MS4A4E: variants seen among roughly 807,000 people sequenced by gnomAD.
The protein encoded by MS4A4E is membrane spanning 4-domains A4E, also known as putative membrane-spanning 4-domains subfamily A member 4E.
In MS4A4E, 23 loss-of-function variants were observed where a neutral mutation model predicts 13.3. That is an observed-to-expected ratio of 1.73 (90% confidence interval 1.25 to 2.45). The LOEUF is 2.45. Ranked by LOEUF, MS4A4E falls within the 30% of genes most tolerant of loss-of-function variation. The pLI is 0.00. For missense variants in MS4A4E, 144 were observed against 131.2 expected (o/e 1.10, Z -0.48); for synonymous variants, 36 against 45.6 (o/e 0.79, Z 0.85).
At chr11:60,230,981 A>C (rs1357633239) in intron 1 of MS4A4E, among the ~76,000 whole-genome samples, 3 of 152,192 alleles carry the variant, frequency 2.0e-5, no homozygotes, top group African/African-American at 7.2e-5. Flanking sequence ...TTGGTAACAT[A>C]AATGAAAAAA....
intron 6 of MS4A4E, among the ~76,000 whole-genome samples, chr11:60,207,980 T>G (rs1043850995): frequency 2.0e-5 from 3 of 152,200 alleles, no homozygotes; most frequent in African/African-American, 7.2e-5. Context: ...CAAGTACTTT[T>G]GGGGACCTCT....
At chr11:60,234,823 AT>A (rs2084461741) in intron 1 of MS4A4E, among the ~76,000 whole-genome samples, 1 of 146,276 alleles carries the variant, frequency 6.8e-6, no homozygotes, top group Non-Finnish European at 1.5e-5. Flanking sequence ...CTACTTACCT[AT>A]TAATAATAAC....
intron 1 of MS4A4E, among the ~76,000 whole-genome samples, chr11:60,236,425 T>C (rs569012073): frequency 6.6e-6 from 1 of 152,274 alleles, no homozygotes; most frequent in South Asian, 2.1e-4. Flanking sequence ...AGCCTTCCAG[T>C]TCCTGAATAT....
At chr11:60,240,914 T>A (rs2084540409) in intron 1 of MS4A4E, among the ~76,000 whole-genome samples, 1 of 152,246 alleles carries the variant, frequency 6.6e-6, no homozygotes, top group South Asian at 2.1e-4. Context: ...AAATCTATGT[T>A]ATTTTCCTTT....
chr11:60,215,347 A>G (rs2084179333), intron 3 of MS4A4E, among the ~76,000 whole-genome samples: 1 of 151,908 alleles, frequency 6.6e-6, no homozygotes, highest in African/African-American at 2.4e-5. Context: ...TCCATCATGT[A>G]ACATAAAATA....
In MS4A4E at chr11:60,201,573, C is replaced by A; in HGVS notation, c.966G>T (p.Arg322Ser). 3.1e-6 allele frequency: 1 copy of A among 322,740 alleles called. No individual in the cohort carries two copies. The highest frequency in any genetic ancestry group is 6.2e-6 in the Non-Finnish European group (1 of 160,834). 20.0% of individuals were successfully genotyped at this position (322,740 alleles called of 1,614,324 possible). A position where few individuals can be genotyped will look rare whatever the true frequency, so the allele number is the denominator to read the frequency against. ...AGATGGGCGGCCGGGCGGAGACACT[C>A]CTCACCTCCCAGATGGGATGGTGGC... Reference protein sequence around the residue: ...LPGHHPIWEVRSVSARPPIF With the variant: ...LPGHHPIWEVSSVSARPPIF The change falls in exon 9 of 9, where the codon AGG (arginine) becomes AGT (serine). Residue 322 changes from arginine to serine, a missense_variant. This residue lies in a region of MS4A4E where 21 missense variants were observed against 25.1 expected (regional missense o/e 0.84). Coordinates refer to ENST00000651255, the MANE Select transcript of MS4A4E (RefSeq NM_001393391.1).
intron 3 of MS4A4E, among the ~76,000 whole-genome samples, chr11:60,219,784 G>A (rs750450350): frequency 1.2e-4 from 19 of 152,192 alleles, no homozygotes; most frequent in Non-Finnish European, 2.6e-4. Flanking sequence ...GGGAACTACT[G>A]GACACTGACT....
intron 1 of MS4A4E, among the ~76,000 whole-genome samples, chr11:60,232,619 T>A (rs908725328): frequency 2.0e-5 from 3 of 151,924 alleles, no homozygotes; most frequent in Non-Finnish European, 2.9e-5. Context: ...GGCTCTGAGC[T>A]CAGCTGACAG....
chr11:60,233,470 T>TTAC (rs2084439052), intron 1 of MS4A4E, among the ~76,000 whole-genome samples: 1 of 152,208 alleles, frequency 6.6e-6, no homozygotes, highest in Admixed American at 6.5e-5. Context: ...AGCCTTAGCT[T>TTAC]TGTGGGTAAC....
Position 60,200,538 on chromosome 11 carries a change from T to G in MS4A4E, c.*1005A>C, listed in dbSNP as rs545861041. Among the ~76,000 whole-genome samples, 2,724 of 152,222 alleles carry G rather than the reference T, an allele frequency of 0.018. 81 individuals carry two copies. The highest frequency in any genetic ancestry group is 0.062 in the African/African-American group (2,590 of 41,530). ...AAGCATCTGTTTAACAAAGCACACCTTGCACCGCCCTTAATCCATTTAACC... is the reference window on the plus strand; with the variant it reads ...AAGCATCTGTTTAACAAAGCACACCGTGCACCGCCCTTAATCCATTTAACC... On this transcript the variant is annotated 3_prime_UTR_variant, in exon 9 of 9. Coordinates refer to ENST00000651255, the MANE Select transcript of MS4A4E (RefSeq NM_001393391.1).
intron 4 of MS4A4E, among the ~76,000 whole-genome samples, chr11:60,213,695 T>C (rs1263938041): frequency 6.6e-6 from 1 of 152,192 alleles, no homozygotes; most frequent in Non-Finnish European, 1.5e-5. Context: ...CTCCAGAGTT[T>C]GATATTTATC....
intron 6 of MS4A4E, among the ~76,000 whole-genome samples, chr11:60,206,512 T>TATGTATATATATAC (rs141037502): frequency 1.0e-5 from 1 of 98,344 alleles, no homozygotes; most frequent in African/African-American, 4.8e-5. Flanking sequence ...TATATATATA[T>TATGTATATATATAC]ACACACACAC....
chr11:60,221,812 A>T (rs1378378599), intron 3 of MS4A4E, among the ~76,000 whole-genome samples: 1 of 152,248 alleles, frequency 6.6e-6, no homozygotes, highest in Non-Finnish European at 1.5e-5. Flanking sequence ...CTGTGAAGAT[A>T]TTTGTATTTC....
intron 3 of MS4A4E, among the ~76,000 whole-genome samples, chr11:60,216,128 A>T (rs994787899): frequency 6.6e-6 from 1 of 152,184 alleles, no homozygotes; most frequent in African/African-American, 2.4e-5. Context: ...TCGGAAAAAA[A>T]GGTTGAAAGA....
rs191039269 is a variant in MS4A4E, at chr11:60,228,149, A to G, written c.178+445T>C. ...GCTCTGCAGAAGACACTGTCAGAAG[A>G]AAAGATAAACCACAGACTGACAGAA... On this transcript the variant is annotated intron_variant, in intron 3 of 8. Coordinates refer to ENST00000651255, the MANE Select transcript of MS4A4E (RefSeq NM_001393391.1). Among the ~76,000 whole-genome samples the G allele has an allele frequency of 7.2e-5, 11 of 152,322 alleles. 1 individual carries two copies. Among genetic ancestry groups the G allele is most frequent in the Admixed American group, 7.2e-4 (11 of 15,306 alleles).
At chr11:60,222,335 G>C (rs1045856904) in intron 3 of MS4A4E, among the ~76,000 whole-genome samples, 5 of 152,174 alleles carry the variant, frequency 3.3e-5, no homozygotes, top group African/African-American at 1.2e-4. Context: ...TCACTTGTTG[G>C]CTAAAGAAAT....
chr11:60,232,670 G>T (rs1437733730), intron 1 of MS4A4E, among the ~76,000 whole-genome samples: 1 of 152,148 alleles, frequency 6.6e-6, no homozygotes, highest in Non-Finnish European at 1.5e-5. Context: ...CCCAGAGGAG[G>T]AGCTGACACT....
intron 6 of MS4A4E, among the ~76,000 whole-genome samples, chr11:60,206,474 CA>C (rs1223981773): frequency 1.2e-5 from 1 of 82,490 alleles, no homozygotes; most frequent in African/African-American, 6.0e-5. Flanking sequence ...CACACACACA[CA>C]TATATATATA....
At chr11:60,226,395 T>A (rs2084344596) in intron 3 of MS4A4E, among the ~76,000 whole-genome samples, 1 of 151,670 alleles carries the variant, frequency 6.6e-6, no homozygotes, top group African/African-American at 2.4e-5. Context: ...CAACAAAACA[T>A]GTGCAAACTA....
Sources: allele counts gnomAD v4.1 joint callset (sites outside exome capture counted in the v4.1 genomes callset), GRCh38; gene constraint gnomAD v4.1.1; regional missense constraint gnomAD v4.1.1; transcripts MANE v1.5; gene names NCBI Gene and HGNC (gene_info 2026-07-23, HGNC 2026-07-21).